Variants in FBXL2 observed in about 807,000 individuals in gnomAD.
FBXL2 encodes F-box/LRR-repeat protein 2.
FBXL2 carries 38 observed loss-of-function variants against 69.2 expected under a neutral mutation model. The observed-to-expected ratio is 0.55, with a 90% CI of 0.42 to 0.72. FBXL2 has a LOEUF of 0.72. Among genes scored for constraint, FBXL2 ranks in the 30% least tolerant of loss-of-function variants. The probability of loss-of-function intolerance (pLI) is 0.00; values close to 1 mark genes in which losing one functional copy is unlikely to be tolerated. For synonymous variants in FBXL2, 192 were observed against 201.3 expected (o/e 0.95, Z 0.39); for missense variants, 354 against 520.3 (o/e 0.68, Z 3.11).
chr3:33,378,326 C>T (rs1474696806), intron 12 of FBXL2, among the ~76,000 whole-genome samples, 179 bp downstream of exon 12: 1 of 152,200 alleles, frequency 6.6e-6, no homozygotes, highest in African/African-American at 2.4e-5. Context: ...TGGCCATTCT[C>T]AGTCATCAGA....
intron 1 of FBXL2, among the ~76,000 whole-genome samples, chr3:33,281,615 G>A (rs1325609349): frequency 3.9e-5 from 6 of 152,092 alleles, no homozygotes; most frequent in Admixed American, 2.6e-4. Flanking sequence ...TTGAGGAATC[G>A]CCGCACTGTC....
chr3:33,324,586 C>T (rs991111417), intron 2 of FBXL2, among the ~76,000 whole-genome samples: 3 of 152,144 alleles, frequency 2.0e-5, no homozygotes, highest in Non-Finnish European at 4.4e-5. Context: ...TTGTTTTTCT[C>T]AGGTTTGTCA....
chr3:33,393,179 TG>T, intron 12 of FBXL2: 1 of 992,954 alleles, frequency 1.0e-6, no homozygotes, highest in Non-Finnish European at 1.4e-6. Flanking sequence ...TCTTCCAAAG[TG>T]ATTCCCAACT....
chr3:33,420,020 G>A, the FBXL2 span, among the ~76,000 whole-genome samples: 1 of 152,096 alleles, frequency 6.6e-6, no homozygotes, highest in Non-Finnish European at 1.5e-5. Flanking sequence ...TAACTGTTGT[G>A]ATTCATGTCC....
At chr3:33,396,647 T>C (rs1243431123) in intron 12 of FBXL2, 1 of 411,090 alleles carries the variant, frequency 2.4e-6, no homozygotes, top group African/African-American at 2.0e-5. Flanking sequence ...CAGCACAATT[T>C]ACAGTTTCTG....
chr3:33,377,456 G>C, intron 11 of FBXL2, 123 bp downstream of exon 11: 1 of 900,406 alleles, frequency 1.1e-6, no homozygotes, highest in Non-Finnish European at 1.8e-6. Context: ...AAGTAGAGTA[G>C]AACCCTTGGG....
chr3:33,400,363 G>C, intron 12 of FBXL2: 1 of 1,149,084 alleles, frequency 8.7e-7, no homozygotes, highest in Non-Finnish European at 1.2e-6. Flanking sequence ...AAGCCTCGGA[G>C]TCTGAAGTAA....
chr3:33,297,992 C>A, intron 2 of FBXL2: 1 of 442,306 alleles, frequency 2.3e-6, no homozygotes, highest in South Asian at 2.1e-5. Flanking sequence ...TCAGTAGGTG[C>A]CATTGTTTTG....
chr3:33,388,410 T>C (rs570418310), downstream of FBXL2: 9 of 152,704 alleles, frequency 5.9e-5, no homozygotes, highest in Non-Finnish European at 8.8e-5. Flanking sequence ...AAGTAACAAA[T>C]TTGCTGGTGC....
intron 5 of FBXL2, among the ~76,000 whole-genome samples, chr3:33,368,628 T>A (rs950010140): frequency 6.6e-6 from 1 of 152,188 alleles, no homozygotes; most frequent in African/African-American, 2.4e-5. Flanking sequence ...GGAGTCTTGC[T>A]CTGTCGCCCA....
intron 2 of FBXL2, among the ~76,000 whole-genome samples, chr3:33,319,294 A>G (rs2037991904): frequency 6.6e-6 from 1 of 152,020 alleles, no homozygotes; most frequent in Admixed American, 6.6e-5. Flanking sequence ...TTTTTTATAT[A>G]TCTCTTTATT....
downstream of FBXL2, among the ~76,000 whole-genome samples, chr3:33,404,827 A>G (rs2044374100): frequency 6.6e-6 from 1 of 152,186 alleles, no homozygotes; most frequent in Non-Finnish European, 1.5e-5. Context: ...CAGATGATTC[A>G]AAAGGACTTC....
intron 4 of FBXL2, chr3:33,364,239 T>G (rs571046121): frequency 4.7e-6 from 1 of 211,232 alleles, no homozygotes; most frequent in South Asian, 8.3e-5. Context: ...AGCATTGTCT[T>G]AGATCTCTGC....
the FBXL2 span, among the ~76,000 whole-genome samples, chr3:33,418,539 G>A: frequency 7.2e-4 from 110 of 151,974 alleles, no homozygotes; most frequent in African/African-American, 2.4e-3. Flanking sequence ...GATTACAGGC[G>A]TGAGCCACCG....
the FBXL2 span, among the ~76,000 whole-genome samples, chr3:33,413,019 A>G: frequency 1.1e-4 from 17 of 152,354 alleles, no homozygotes; most frequent in East Asian, 2.3e-3. Flanking sequence ...GCAAAGAATT[A>G]TAACTCAAAA....
At chr3:33,407,526 A>C (rs943134874), downstream of FBXL2, among the ~76,000 whole-genome samples, 5 of 151,328 alleles carry the variant, frequency 3.3e-5, no homozygotes, top group Non-Finnish European at 5.9e-5. Flanking sequence ...CTGTTTTAAC[A>C]ATCTTTGATT....
At chr3:33,324,685 A>G (rs1411754914) in intron 2 of FBXL2, among the ~76,000 whole-genome samples, 1 of 152,164 alleles carries the variant, frequency 6.6e-6, no homozygotes, top group Non-Finnish European at 1.5e-5. Flanking sequence ...TACCAGTACC[A>G]TGCTGTTTTG....
intron 2 of FBXL2, among the ~76,000 whole-genome samples, chr3:33,309,357 A>T (rs2125755443): frequency 6.6e-6 from 1 of 152,312 alleles, no homozygotes; most frequent in African/African-American, 2.4e-5. Context: ...CTTTGTCATT[A>T]TATAATCACT....
At chr3:33,287,308 A>G (rs1369309685) in intron 1 of FBXL2, among the ~76,000 whole-genome samples, 2 of 152,006 alleles carry the variant, frequency 1.3e-5, no homozygotes, top group Non-Finnish European at 2.9e-5. Context: ...GACAATATTC[A>G]TCTCCCTTTT....
Sources: gnomAD v4.1 joint callset for allele counts (sites outside exome capture counted in the v4.1 genomes callset) on GRCh38, gnomAD v4.1.1 for gene constraint, MANE v1.5 for transcripts, NCBI Gene and HGNC (gene_info 2026-07-23, HGNC 2026-07-21) for gene names.